The following CTNNA1 variants were observed in gnomAD, a reference collection of about 807,000 sequenced individuals.
CTNNA1 encodes catenin alpha 1.
CTNNA1 carries 37 observed loss-of-function variants against 98.4 expected under a neutral mutation model. The observed-to-expected ratio is 0.38, with a 90% CI of 0.29 to 0.49. The LOEUF is 0.49. Ranked by LOEUF, CTNNA1 falls within the 20% of genes least tolerant of loss-of-function variation. The pLI is 0.95. For synonymous variants in CTNNA1, 404 were observed against 413.2 expected (o/e 0.98, Z 0.27); for missense variants, 761 against 1,147.2 (o/e 0.66, Z 4.86).
intron 7 of CTNNA1, chr5:138,872,870 C>T (rs1208302092): frequency 1.8e-6 from 1 of 547,800 alleles, no homozygotes; most frequent in Non-Finnish European, 3.1e-6. Flanking sequence ...AAAAATACTT[C>T]AACACTTCAA....
intron 7 of CTNNA1, among the ~76,000 whole-genome samples, chr5:138,859,597 T>C (rs1764073303): frequency 6.6e-6 from 1 of 152,226 alleles, no homozygotes; most frequent in Non-Finnish European, 1.5e-5. Context: ...CTTCTTAATC[T>C]TTTCTTGGTA....
chr5:138,893,265 C>G (rs533313990), intron 9 of CTNNA1, among the ~76,000 whole-genome samples: 32 of 152,132 alleles, frequency 2.1e-4, no homozygotes, highest in Non-Finnish European at 4.1e-4. Context: ...TGCCTTCAGC[C>G]TTTTGGGCAG....
chr5:138,785,454 G>T (rs1755585510), intron 3 of CTNNA1, among the ~76,000 whole-genome samples: 1 of 152,126 alleles, frequency 6.6e-6, no homozygotes, highest in African/African-American at 2.4e-5. Context: ...GTATTCTGTG[G>T]TACATTCTCC....
intron 3 of CTNNA1, among the ~76,000 whole-genome samples, chr5:138,796,860 G>A (rs1267167622): frequency 6.6e-6 from 1 of 152,154 alleles, no homozygotes; most frequent in Non-Finnish European, 1.5e-5. Context: ...TTTTGGATTT[G>A]GCAGTTGATA....
At chr5:138,919,967 ATTTTTTTTT>A (rs34990349) in intron 11 of CTNNA1, among the ~76,000 whole-genome samples, 13 of 79,410 alleles carry the variant, frequency 1.6e-4, no homozygotes, top group African/African-American at 3.2e-4. Context: ...AGCTTTGGCA[ATTTTTTTTT>A]TTTTTTTTTT....
chr5:138,802,484 TG>T (rs1342928829), intron 3 of CTNNA1, among the ~76,000 whole-genome samples: 1 of 152,088 alleles, frequency 6.6e-6, no homozygotes, highest in South Asian at 2.1e-4. Context: ...GACAAAATTT[TG>T]GGGGGTCTTA....
intron 3 of CTNNA1, among the ~76,000 whole-genome samples, chr5:138,784,667 C>T (rs560872892): frequency 6.6e-6 from 1 of 152,268 alleles, no homozygotes; most frequent in Non-Finnish European, 1.5e-5. Flanking sequence ...TTTATTCTCT[C>T]ATCATTCTGA....
intron 7 of CTNNA1, among the ~76,000 whole-genome samples, chr5:138,831,359 T>C (rs888455846): frequency 1.3e-5 from 2 of 152,226 alleles, no homozygotes; most frequent in African/African-American, 4.8e-5. Flanking sequence ...TTTAAAACAC[T>C]TCCCAGTTGA....
At chr5:138,825,338 C>T (rs1287169542) in intron 6 of CTNNA1, among the ~76,000 whole-genome samples, 2 of 152,144 alleles carry the variant, frequency 1.3e-5, no homozygotes, top group South Asian at 2.1e-4. Flanking sequence ...ACTTTCTTAG[C>T]ATAATGCCAT....
intron 4 of CTNNA1, among the ~76,000 whole-genome samples, chr5:138,811,665 C>T (rs1231407365): frequency 2.0e-5 from 3 of 152,110 alleles, no homozygotes; most frequent in East Asian, 1.9e-4. Flanking sequence ...TCTGCAATCC[C>T]GGCACCTCTG....
Position 138,934,946 on chromosome 5 carries a change from T to TATCA in CTNNA1, c.*858_*861dup, listed in dbSNP as rs1561790669. ...CTATTAACTACAAGGTATAATTTAC[T>TATCA]ATCACCTTATTTAAATTTTATGAAT... On this transcript the variant is annotated 3_prime_UTR_variant, in exon 18 of 18. Coordinates refer to ENST00000302763, the MANE Select transcript of CTNNA1 (RefSeq NM_001903.5). 1.3e-5 allele frequency: 2 copies of TATCA among 152,492 alleles called. No homozygotes were observed. Among genetic ancestry groups the TATCA allele is most frequent in the East Asian group, 1.9e-4 (1 of 5,202 alleles). The allele number at this position is 152,492 out of a possible 1,614,324, so 9.4% of individuals were successfully genotyped here.
intron 7 of CTNNA1, among the ~76,000 whole-genome samples, chr5:138,855,195 C>T (rs536454516): frequency 3.9e-5 from 6 of 152,292 alleles, no homozygotes; most frequent in Middle Eastern, 3.4e-3. Flanking sequence ...CCTGCCAGCA[C>T]GCCCAGCTAA....
At chr5:138,839,136 A>G (rs2149812437) in intron 7 of CTNNA1, among the ~76,000 whole-genome samples, 1 of 152,194 alleles carries the variant, frequency 6.6e-6, no homozygotes, top group East Asian at 1.9e-4. Flanking sequence ...TTTTTTTTAA[A>G]TTTGTTAATT....
At chr5:138,815,773 G>T (rs1759370231) in intron 5 of CTNNA1, among the ~76,000 whole-genome samples, 1 of 151,710 alleles carries the variant, frequency 6.6e-6, no homozygotes. Flanking sequence ...GTTTTCCTTG[G>T]GCCTAAGTTT....
chr5:138,911,402 G>A (rs998756124), intron 10 of CTNNA1, among the ~76,000 whole-genome samples: 2 of 152,070 alleles, frequency 1.3e-5, no homozygotes, highest in South Asian at 2.1e-4. Context: ...GACTCTGCAG[G>A]GATGAATAAA....
chr5:138,804,570 T>C (rs1757895799), intron 3 of CTNNA1, among the ~76,000 whole-genome samples: 1 of 152,252 alleles, frequency 6.6e-6, no homozygotes, highest in African/African-American at 2.4e-5. Context: ...CAATACAGTA[T>C]TCTTTCACTT....
Position 138,838,699 on chromosome 5 carries a change from A to G in CTNNA1, c.1062+10981A>G, listed in dbSNP as rs144153715. Among the ~76,000 whole-genome samples, 640 of 152,262 alleles carry G rather than the reference A, an allele frequency of 4.2e-3. 1 individual carries two copies. Among genetic ancestry groups the G allele is most frequent in the Middle Eastern group, 0.017 (5 of 294 alleles). On this transcript the variant is annotated intron_variant, in intron 7 of 17. Transcript: ENST00000302763. ...CTTCTTTGTGTAAAGATATAGTGGT[A>G]TAGATTTCCCTAATCTAAGCCCTGC...
At chr5:138,905,248 C>T (rs1016100259) in intron 10 of CTNNA1, among the ~76,000 whole-genome samples, 2 of 152,124 alleles carry the variant, frequency 1.3e-5, no homozygotes, top group Non-Finnish European at 2.9e-5. Flanking sequence ...CGAGATCACA[C>T]CACTGCACTC....
intron 9 of CTNNA1, among the ~76,000 whole-genome samples, chr5:138,900,431 T>C (rs1330190395): frequency 6.6e-6 from 1 of 152,148 alleles, no homozygotes; most frequent in East Asian, 1.9e-4. Context: ...AATCTTATCT[T>C]GTCTTCCTAC....
Sources: gnomAD v4.1 joint callset for allele counts (sites outside exome capture counted in the v4.1 genomes callset) on GRCh38, gnomAD v4.1.1 for gene constraint, MANE v1.5 for transcripts, NCBI Gene and HGNC (gene_info 2026-07-23, HGNC 2026-07-21) for gene names.